The following DPP6 variants were observed in gnomAD, a reference collection of about 807,000 sequenced individuals.
The protein encoded by DPP6 is dipeptidyl peptidase like 6, also known as A-type potassium channel modulatory protein DPP6.
A neutral mutation model predicts 122.6 loss-of-function variants in DPP6; 69 were observed. The ratio of observed to expected loss-of-function variants is 0.56; its 90% CI spans 0.46 to 0.69. DPP6 has a LOEUF of 0.69. Ranked by LOEUF, DPP6 falls within the 30% of genes least tolerant of loss-of-function variation. DPP6 has a pLI of 0.00. For synonymous variants in DPP6, 418 were observed against 433.1 expected (o/e 0.97, Z 0.43); for missense variants, 928 against 1,116.9 (o/e 0.83, Z 2.41).
chr7:154,029,762 C>T (rs1019845943), intron 1 of DPP6, among the ~76,000 whole-genome samples: 1 of 150,908 alleles, frequency 6.6e-6, no homozygotes, highest in Non-Finnish European at 1.5e-5. Context: ...AGGAGAATGG[C>T]GTGAACCCGG....
chr7:154,315,351 T>C (rs1807341426), intron 1 of DPP6, among the ~76,000 whole-genome samples: 1 of 152,184 alleles, frequency 6.6e-6, no homozygotes, highest in Non-Finnish European at 1.5e-5. Context: ...TTTTATTTGC[T>C]CACAAGCTTA....
rs192181269 is a variant in DPP6 at position 154,047,233 on chromosome 7, G to A, written c.51+159499G>A. ...ATGCCAGTGGTCAGCAGAGAGAACA[G>A]ACACAAGCTTTCTCTTCTTTCTGAA... On this transcript the variant is annotated intron_variant, in intron 1 of 25. Coordinates refer to the DPP6 transcript ENST00000404039. Among the ~76,000 whole-genome samples, 6 of 144,592 alleles carry A rather than the reference G, an allele frequency of 4.1e-5. No homozygotes were observed. The East Asian group carries it at 1.2e-3, about 29-fold the overall frequency. 94.9% of individuals were successfully genotyped at this position (144,592 alleles called of 152,430 possible). A position where few individuals can be genotyped will look rare whatever the true frequency, so the allele number is the denominator to read the frequency against.
intron 1 of DPP6, among the ~76,000 whole-genome samples, chr7:154,062,935 T>C (rs1585287306): frequency 7.5e-6 from 1 of 133,892 alleles, no homozygotes; most frequent in South Asian, 2.7e-4. Context: ...GTGTTAGTTG[T>C]CCAGGTAGAA....
At position 154,829,619 on chromosome 7, in the gene DPP6, A is replaced by G. The variant is rs145366540; in HGVS notation, c.1666+22507A>G. On this transcript the variant is annotated intron_variant, in intron 16 of 25. Coordinates refer to ENST00000377770, the MANE Select transcript of DPP6 (RefSeq NM_130797.4). ...AATTGGGAGTCAGTGCAAGAGTAAT[A>G]TCGGCTCAATGGCCAACAACAATTA... 3.5e-3 allele frequency among the ~76,000 whole-genome samples: 531 copies of G among 152,278 alleles called. 7 individuals are homozygous for G. Among genetic ancestry groups the G allele is most frequent in the South Asian group, 0.019 (92 of 4,820 alleles).
chr7:154,486,141 GT>G lies in DPP6; in HGVS notation c.457+11114del, dbSNP rs113303123. Among the ~76,000 whole-genome samples the G allele has an allele frequency of 3.4e-5, 5 of 146,940 alleles. No individual in the cohort carries two copies. The highest frequency in any genetic ancestry group is 4.5e-5 in the Non-Finnish European group (3 of 66,208). Reference sequence around the variant, plus strand: ...CACCCCTACTCATGGCCTCTATTTTGTTTTTTTTTTGAGATGGAGTCTCACT... The same window carrying G: ...CACCCCTACTCATGGCCTCTATTTTGTTTTTTTTTGAGATGGAGTCTCACT... On this transcript the variant is annotated intron_variant, in intron 3 of 25. Transcript: ENST00000377770. The surrounding 1 kb of genome is among the most constrained non-coding windows in gnomAD (Gnocchi z 4.5).
At position 154,801,437 on chromosome 7, in the gene DPP6, A is replaced by G. The variant is rs1471825093; in HGVS notation, c.1382A>G (p.Tyr461Cys). 1.6e-5 allele frequency: 26 copies of G among 1,590,526 alleles called. No individual in the cohort carries two copies. Among genetic ancestry groups the G allele is most frequent in the Non-Finnish European group, 2.1e-5 (25 of 1,167,524 alleles). Residue 461 changes from tyrosine to cysteine, a missense_variant, in exon 13 of 26, where the codon TAT (tyrosine) becomes TGT (cysteine). By Grantham distance (194) the Tyr-to-Cys change is radical (BLOSUM62 -2). Transcript: ENST00000377770. Reference protein sequence around the residue: ...AIPQGGRGKFYHITVSSSQPN... With the variant: ...AIPQGGRGKFCHITVSSSQPN... ...CCCCAGGGAGGACGAGGGAAATTCTATCACATCACGGTGTCCTCGTCCCAG... is the reference window on the plus strand; with the variant it reads ...CCCCAGGGAGGACGAGGGAAATTCTGTCACATCACGGTGTCCTCGTCCCAG...
chr7:154,757,421 C>T (rs1439839128), intron 8 of DPP6, among the ~76,000 whole-genome samples: 3 of 152,254 alleles, frequency 2.0e-5, no homozygotes, highest in African/African-American at 7.2e-5. Context: ...TCCTCCCCCA[C>T]TGCAGCCCTC....
chr7:154,172,271 T>C (rs1585546973), intron 1 of DPP6, among the ~76,000 whole-genome samples: 1 of 151,836 alleles, frequency 6.6e-6, no homozygotes, highest in Non-Finnish European at 1.5e-5. Context: ...AAGGAAAGGG[T>C]GAATAAACAA....
chr7:153,858,501 A>G, the DPP6 span, among the ~76,000 whole-genome samples: 1 of 152,172 alleles, frequency 6.6e-6, no homozygotes, highest in African/African-American at 2.4e-5. Context: ...TTCTCAGCCC[A>G]GTGATGACGC....
At chr7:154,886,714 C>T (rs1806181695) in intron 22 of DPP6, among the ~76,000 whole-genome samples, 1 of 152,196 alleles carries the variant, frequency 6.6e-6, no homozygotes, top group Non-Finnish European at 1.5e-5. Flanking sequence ...ACATTCCCTG[C>T]AGGTTGGAGG....
intron 1 of DPP6, among the ~76,000 whole-genome samples, chr7:154,143,797 A>G (rs1293335330): frequency 2.0e-5 from 3 of 152,122 alleles, no homozygotes; most frequent in South Asian, 2.1e-4. Flanking sequence ...TTCTTGGGCT[A>G]TAGCTTCACA....
Position 154,052,977 on chromosome 7 carries a change from C to T in DPP6, c.157C>T (p.Pro53Ser). The T allele has an allele frequency of 9.1e-7, 1 of 1,095,956 alleles. No homozygotes were observed. Among genetic ancestry groups the T allele is most frequent in the Non-Finnish European group, 1.1e-6 (1 of 902,318 alleles). The allele number at this position is 1,095,956 out of a possible 1,614,324, so 67.9% of individuals were successfully genotyped here. The change falls in exon 1 of 26, where the codon CCC becomes TCC. Residue 53 changes from proline to serine, a missense_variant. Pro to Ser is a moderately conservative substitution (Grantham distance 74, BLOSUM62 -1). Transcript: ENST00000377770. The surrounding 1 kb of genome is among the most constrained non-coding windows in gnomAD (Gnocchi z 4.8). ...CGGCCCGCGGGCGCAGGCGGCGGCG[C>T]CCCGGGAGCGCGGCGGCGGCGGCGG... The part of the protein sequence containing the change: ...PLGPRAQAAA[P>S]RERGGGGGGA...
intron 17 of DPP6, among the ~76,000 whole-genome samples, chr7:154,859,479 A>G (rs558209031): frequency 2.0e-5 from 3 of 152,344 alleles, no homozygotes; most frequent in African/African-American, 7.2e-5. Context: ...TCTTTATCAT[A>G]CTATCCTCTC....
chr7:154,780,461 G>A (rs1169287603), intron 10 of DPP6, among the ~76,000 whole-genome samples: 2 of 152,220 alleles, frequency 1.3e-5, no homozygotes, highest in Non-Finnish European at 2.9e-5. Context: ...TAATGAGCAG[G>A]AGACATCAGA....
chr7:154,026,118 AG>A (rs1798944430), intron 1 of DPP6, among the ~76,000 whole-genome samples: 1 of 151,240 alleles, frequency 6.6e-6, no homozygotes, highest in Admixed American at 6.6e-5. Context: ...GGGTGGTGTG[AG>A]GATCTGAGGT....
At chr7:154,767,356 A>G (rs1795973088) in intron 8 of DPP6, among the ~76,000 whole-genome samples, 1 of 152,192 alleles carries the variant, frequency 6.6e-6, no homozygotes, top group Non-Finnish European at 1.5e-5. Flanking sequence ...TGCATTGCAA[A>G]TGGTGCCTAT....
chr7:153,898,736 G>GTTAA (rs1283526792), intron 1 of DPP6, among the ~76,000 whole-genome samples: 5 of 152,104 alleles, frequency 3.3e-5, no homozygotes, highest in Admixed American at 6.5e-5. Flanking sequence ...AATAAGCAGT[G>GTTAA]TTAATTGGCA....
At chr7:154,056,482 T>C (rs1800826937) in intron 1 of DPP6, among the ~76,000 whole-genome samples, 1 of 152,176 alleles carries the variant, frequency 6.6e-6, no homozygotes, top group East Asian at 1.9e-4. Context: ...TGAACATTTC[T>C]TTTTAGTTTT....
At chr7:154,110,195 G>T (rs892385860) in intron 1 of DPP6, among the ~76,000 whole-genome samples, 7 of 152,124 alleles carry the variant, frequency 4.6e-5, no homozygotes, top group Admixed American at 2.0e-4. Flanking sequence ...TTGCATCCTG[G>T]TGTTCTCCAA....
Sources: allele counts gnomAD v4.1 joint callset (sites outside exome capture counted in the v4.1 genomes callset), GRCh38; gene constraint gnomAD v4.1.1; non-coding constraint Gnocchi (gnomAD v3.1); transcripts MANE v1.5; gene names NCBI Gene and HGNC (gene_info 2026-07-23, HGNC 2026-07-21).